The following CCDC171 variants were observed in gnomAD, a reference collection of about 807,000 sequenced individuals.
The protein encoded by CCDC171 is coiled-coil domain containing 171.
In CCDC171, 177 loss-of-function variants were observed where a neutral mutation model predicts 168.2. That is an observed-to-expected ratio of 1.05 (90% CI 0.93 to 1.19). The LOEUF (loss-of-function observed/expected upper bound fraction) is 1.19, where lower values mean the gene tolerates loss of function less well. CCDC171 is among the 50% of genes most tolerant of loss of function. The pLI, the probability that CCDC171 is intolerant of heterozygous loss-of-function variation, is 0.00. For synonymous variants in CCDC171, 687 were observed against 540.8 expected (o/e 1.27, Z -3.75); for missense variants, 1,991 against 1,539.0 (o/e 1.29, Z -4.91).
rs995743183 is a variant in CCDC171, at chr9:15,583,754, A to T, written c.352+4731A>T. 2.6e-5 allele frequency among the ~76,000 whole-genome samples: 4 copies of T among 152,282 alleles called. No homozygotes were observed. In the East Asian group the frequency reaches 5.8e-4, roughly 22 times the overall value. On this transcript the variant is annotated intron_variant, in intron 4 of 25. Transcript: ENST00000380701. ...GAACTTTTGCCTGCAACCGAACACC[A>T]TCTGTTCCCCAAACTATTGAAATAA...
intron 4 of CCDC171, among the ~76,000 whole-genome samples, chr9:15,582,323 C>G (rs1011725238): frequency 3.3e-5 from 5 of 152,200 alleles, no homozygotes; most frequent in Non-Finnish European, 4.4e-5. Context: ...TGCTTTTACA[C>G]TGTTGGTGGG....
chr9:15,703,713 A>C (rs979055780), intron 11 of CCDC171, among the ~76,000 whole-genome samples: 1 of 152,220 alleles, frequency 6.6e-6, no homozygotes, highest in Admixed American at 6.5e-5. Flanking sequence ...TGCAGTTAAC[A>C]TGGGATTGAA....
intron 3 of CCDC171, among the ~76,000 whole-genome samples, chr9:15,576,177 A>G (rs2131178878): frequency 6.7e-6 from 1 of 149,632 alleles, no homozygotes; most frequent in African/African-American, 2.5e-5. Flanking sequence ...ATGTATATAT[A>G]TTTGTTGTTT....
Position 15,785,336 on chromosome 9 carries a change from A to G in CCDC171, c.3267+642A>G, listed in dbSNP as rs1418728908. ...AGTGAGATTATATACGTTGGAATGG[A>G]ACTAAATCCAGGGAAACAAAAATGA... is the stretch of plus-strand genomic sequence containing the variant. On this transcript the variant is annotated intron_variant, in intron 21 of 25. Transcript: ENST00000380701. Among the ~76,000 whole-genome samples, 5 of 152,120 alleles carry G rather than the reference A, an allele frequency of 3.3e-5. No homozygotes were observed. In the South Asian group the frequency reaches 8.3e-4, roughly 25 times the overall value.
intron 6 of CCDC171, among the ~76,000 whole-genome samples, chr9:15,595,972 T>C (rs1252689120): frequency 6.6e-6 from 1 of 151,498 alleles, no homozygotes. Flanking sequence ...GTTCATATCC[T>C]TCGCCCACTT....
At chr9:15,957,212 T>C (rs925299504) in intron 25 of CCDC171, among the ~76,000 whole-genome samples, 3 of 152,108 alleles carry the variant, frequency 2.0e-5, no homozygotes, top group African/African-American at 7.2e-5. Context: ...CCATGCACCT[T>C]GACCACCTAT....
intron 1 of CCDC171, among the ~76,000 whole-genome samples, chr9:16,055,810 C>T (rs908181742): frequency 6.6e-6 from 1 of 152,212 alleles, no homozygotes; most frequent in African/African-American, 2.4e-5. Flanking sequence ...TCCTGATGCT[C>T]CCAGATTCTG....
intron 21 of CCDC171, among the ~76,000 whole-genome samples, chr9:15,796,966 A>G (rs1196097800): frequency 2.0e-5 from 3 of 152,202 alleles, no homozygotes; most frequent in Non-Finnish European, 4.4e-5. Context: ...AAACTGCCGA[A>G]ATCTTTTTCA....
chr9:15,801,537 A>C (rs1180408346), intron 21 of CCDC171, among the ~76,000 whole-genome samples: 3 of 152,068 alleles, frequency 2.0e-5, no homozygotes, highest in African/African-American at 7.2e-5. Flanking sequence ...GGTTTTTCCA[A>C]ATATAAGATC....
At chr9:15,624,342 C>A (rs1362243263) in intron 7 of CCDC171, among the ~76,000 whole-genome samples, 1 of 151,920 alleles carries the variant, frequency 6.6e-6, no homozygotes, top group Non-Finnish European at 1.5e-5. Flanking sequence ...ACTTTAAGTT[C>A]TAGGGTACAT....
chr9:16,091,084 A>T, the CCDC171 span, among the ~76,000 whole-genome samples: 17 of 152,262 alleles, frequency 1.1e-4, no homozygotes, highest in East Asian at 3.3e-3. Context: ...CCACCCAGGA[A>T]TGCTGATTGT....
intron 24 of CCDC171, among the ~76,000 whole-genome samples, chr9:15,893,454 A>G (rs1452073871): frequency 6.6e-6 from 1 of 152,202 alleles, no homozygotes; most frequent in Non-Finnish European, 1.5e-5. Context: ...TAAACTAAAG[A>G]GCTTCTGCAC....
chr9:15,635,050 GT>G (rs1653397483), intron 7 of CCDC171, among the ~76,000 whole-genome samples: 1 of 152,104 alleles, frequency 6.6e-6, no homozygotes, highest in Non-Finnish European at 1.5e-5. Context: ...GTTGATGGAC[GT>G]TTGTGTTTGT....
intron 25 of CCDC171, among the ~76,000 whole-genome samples, chr9:15,931,908 C>G (rs1192043310): frequency 6.6e-6 from 1 of 151,030 alleles, no homozygotes; most frequent in Non-Finnish European, 1.5e-5. Context: ...TGCTTAGCAC[C>G]TTAGGTGTAT....
intron 21 of CCDC171, among the ~76,000 whole-genome samples, chr9:15,835,026 T>G (rs1314333243): frequency 3.3e-5 from 5 of 152,224 alleles, no homozygotes; most frequent in Admixed American, 3.3e-4. Flanking sequence ...CTGTGAAGAA[T>G]GTTGATTTGG....
At chr9:15,969,944 C>G (rs1161707693) in intron 25 of CCDC171, among the ~76,000 whole-genome samples, 1 of 152,188 alleles carries the variant, frequency 6.6e-6, no homozygotes, top group Non-Finnish European at 1.5e-5. Flanking sequence ...CATTAAGGTT[C>G]TGCAAGCAAA....
chr9:15,793,753 TGGCTA>T (rs978574337), intron 21 of CCDC171, among the ~76,000 whole-genome samples: 4 of 151,826 alleles, frequency 2.6e-5, no homozygotes, highest in Non-Finnish European at 4.4e-5. Flanking sequence ...TTCACCATAT[TGGCTA>T]GGATGGTCTC....
intron 24 of CCDC171, among the ~76,000 whole-genome samples, chr9:15,901,451 G>A (rs1334095699): frequency 6.6e-6 from 1 of 152,180 alleles, no homozygotes; most frequent in Non-Finnish European, 1.5e-5. Context: ...GGCAGAGCAT[G>A]TATGGGAACT....
intron 21 of CCDC171, among the ~76,000 whole-genome samples, chr9:15,844,140 T>C (rs1201214396): frequency 2.6e-5 from 4 of 152,116 alleles, no homozygotes; most frequent in Non-Finnish European, 5.9e-5. Context: ...TGCTTATCAT[T>C]GTTGCCTTGT....
Sources: allele counts gnomAD v4.1 joint callset (sites outside exome capture counted in the v4.1 genomes callset), GRCh38; gene constraint gnomAD v4.1.1; transcripts MANE v1.5; gene names NCBI Gene and HGNC (gene_info 2026-07-23, HGNC 2026-07-21).